The following SHTN1 variants were observed in gnomAD, a reference collection of about 807,000 sequenced individuals.
SHTN1 encodes the protein shootin-1.
In SHTN1, 42 loss-of-function variants were observed where a neutral mutation model predicts 83.1. That is an observed-to-expected ratio of 0.51 (90% confidence interval 0.39 to 0.65). SHTN1 has a LOEUF of 0.65. Among genes scored for constraint, SHTN1 ranks in the 30% least tolerant of loss-of-function variants. SHTN1 has a pLI of 0.00. For synonymous variants in SHTN1, 224 were observed against 247.7 expected (o/e 0.90, Z 0.90); for missense variants, 622 against 737.8 (o/e 0.84, Z 1.82).
chr10:116,922,752 G>T (rs1348573170), intron 11 of SHTN1, among the ~76,000 whole-genome samples: 1 of 152,116 alleles, frequency 6.6e-6, no homozygotes, highest in Non-Finnish European at 1.5e-5. Context: ...ATCACCTGAG[G>T]TCAGGAGTTC....
At chr10:117,003,661 T>C (rs1851900055) in intron 1 of SHTN1, among the ~76,000 whole-genome samples, 1 of 151,882 alleles carries the variant, frequency 6.6e-6, no homozygotes, top group African/African-American at 2.4e-5. Context: ...CAGGTCGGCC[T>C]TGATTGACCA....
chr10:116,906,465 G>A lies in SHTN1; in HGVS notation c.1480+162C>T, dbSNP rs552402409. Reference sequence around the variant, plus strand: ...AATAAAAATATCTAAGAGTTCTTATGAGATATCCATAAATATCTTTACCCA... The same window carrying A: ...AATAAAAATATCTAAGAGTTCTTATAAGATATCCATAAATATCTTTACCCA... On this transcript the variant is annotated intron_variant, in intron 15 of 16. Coordinates refer to ENST00000355371, the MANE Select transcript of SHTN1 (RefSeq NM_001127211.3). 5.3e-5 allele frequency among the ~76,000 whole-genome samples: 8 copies of A among 152,308 alleles called. No individual in the cohort carries two copies. The South Asian group carries it at 1.7e-3, about 32-fold the overall frequency.
At chr10:116,958,602 T>G (rs1293153211) in intron 4 of SHTN1, among the ~76,000 whole-genome samples, 1 of 152,206 alleles carries the variant, frequency 6.6e-6, no homozygotes, top group Admixed American at 6.5e-5. Flanking sequence ...TGGGGTATTA[T>G]GATGAAGCCA....
intron 15 of SHTN1, among the ~76,000 whole-genome samples, chr10:116,903,683 A>G (rs1847843196): frequency 6.6e-6 from 1 of 152,226 alleles, no homozygotes; most frequent in African/African-American, 2.4e-5. Context: ...GCTTCTGATC[A>G]GCTCTATTCT....
chr10:117,055,079 G>A (rs536871592), intron 1 of SHTN1, among the ~76,000 whole-genome samples: 5 of 152,252 alleles, frequency 3.3e-5, no homozygotes, highest in African/African-American at 1.2e-4. Flanking sequence ...AGCAAGGCAC[G>A]TCTTACATGG....
chr10:116,942,634 T>C (rs1849422740), intron 8 of SHTN1, among the ~76,000 whole-genome samples: 2 of 152,172 alleles, frequency 1.3e-5, no homozygotes, highest in Admixed American at 1.3e-4. Flanking sequence ...TAGCGGGAGT[T>C]AAGAATGGGG....
At chr10:117,037,181 G>A (rs930240675) in intron 2 of SHTN1, among the ~76,000 whole-genome samples, 1 of 152,110 alleles carries the variant, frequency 6.6e-6, no homozygotes, top group Non-Finnish European at 1.5e-5. Context: ...GTTCATGCCT[G>A]TAGTCCCAGT....
At chr10:116,984,919 G>C (rs894901869) in intron 1 of SHTN1, among the ~76,000 whole-genome samples, 15 of 151,812 alleles carry the variant, frequency 9.9e-5, no homozygotes, top group African/African-American at 2.9e-4. Flanking sequence ...TCATACTTAG[G>C]TACCTTTGCA....
At chr10:117,084,988 AC>A (rs962945009) in intron 1 of SHTN1, among the ~76,000 whole-genome samples, 42 of 151,720 alleles carry the variant, frequency 2.8e-4, no homozygotes, top group African/African-American at 1.0e-3. Context: ...TGCAGAAATC[AC>A]CCGTCTTCTG....
At chr10:116,971,431 T>C (rs914433509) in intron 2 of SHTN1, among the ~76,000 whole-genome samples, 3 of 152,354 alleles carry the variant, frequency 2.0e-5, no homozygotes, top group Middle Eastern at 6.8e-3. Context: ...AATTCGCATA[T>C]AGGCTTTTCT....
intron 1 of SHTN1, among the ~76,000 whole-genome samples, chr10:117,067,455 C>T (rs557848853): frequency 3.0e-4 from 45 of 152,226 alleles, no homozygotes; most frequent in Middle Eastern, 3.4e-3. Flanking sequence ...ATTAGCCAGA[C>T]GTGGTGGCAG....
chr10:117,014,048 G>A (rs745505837), intron 2 of SHTN1, among the ~76,000 whole-genome samples: 3 of 151,942 alleles, frequency 2.0e-5, no homozygotes, highest in Non-Finnish European at 4.4e-5. Flanking sequence ...AGACCCAGAA[G>A]GCTATATACA....
intron 9 of SHTN1, among the ~76,000 whole-genome samples, chr10:116,930,638 G>A (rs531737731): frequency 2.0e-5 from 3 of 152,162 alleles, no homozygotes; most frequent in Non-Finnish European, 4.4e-5. Context: ...CCACGGATGG[G>A]CATTGAGGTT....
At chr10:116,963,595 A>G (rs1213995934) in intron 3 of SHTN1, among the ~76,000 whole-genome samples, 1 of 152,208 alleles carries the variant, frequency 6.6e-6, no homozygotes, top group Non-Finnish European at 1.5e-5. Context: ...TTTTAGAAAT[A>G]TATACTGAAA....
At chr10:117,062,975 C>T (rs1280190487) in intron 1 of SHTN1, among the ~76,000 whole-genome samples, 1 of 152,178 alleles carries the variant, frequency 6.6e-6, no homozygotes, top group Non-Finnish European at 1.5e-5. Context: ...GTAAGATCAG[C>T]AGGCTTTAAG....
At chr10:116,941,554 C>G (rs1239297054) in intron 8 of SHTN1, among the ~76,000 whole-genome samples, 1 of 152,210 alleles carries the variant, frequency 6.6e-6, no homozygotes, top group African/African-American at 2.4e-5. Flanking sequence ...TAGAGCTTCA[C>G]CTTTTCAGAT....
intron 16 of SHTN1, among the ~76,000 whole-genome samples, chr10:116,893,406 T>G (rs1847401806): frequency 1.3e-5 from 2 of 152,142 alleles, no homozygotes; most frequent in African/African-American, 4.8e-5. Flanking sequence ...TCAGCAGTAC[T>G]AAGATTACAG....
chr10:117,115,319 G>T (rs1203173155), intron 1 of SHTN1, among the ~76,000 whole-genome samples: 2 of 152,022 alleles, frequency 1.3e-5, no homozygotes, highest in African/African-American at 4.8e-5. Flanking sequence ...CAATACTGTT[G>T]TGAGAATGAA....
intron 9 of SHTN1, among the ~76,000 whole-genome samples, chr10:116,934,841 T>C (rs914132700): frequency 1.7e-4 from 26 of 152,204 alleles, no homozygotes; most frequent in African/African-American, 6.3e-4. Context: ...CTCTCTTATT[T>C]CCTTGAGCAG....
Sources: gnomAD v4.1 joint callset for allele counts (sites outside exome capture counted in the v4.1 genomes callset) on GRCh38, gnomAD v4.1.1 for gene constraint, MANE v1.5 for transcripts, NCBI Gene and HGNC (gene_info 2026-07-23, HGNC 2026-07-21) for gene names.